Variants in RNF111 observed in about 807,000 individuals in gnomAD.
RNF111 encodes ring finger protein 111, also known as E3 ubiquitin-protein ligase Arkadia.
In RNF111, 17 loss-of-function variants were observed where a neutral mutation model predicts 95.1. The observed-to-expected ratio is 0.18, with a 90% CI of 0.12 to 0.27. The LOEUF (loss-of-function observed/expected upper bound fraction) is 0.27, where lower values mean the gene tolerates loss of function less well. RNF111 is among the 10% of genes least tolerant of loss of function. The pLI is 1.00. For missense variants in RNF111, 1,189 were observed against 1,210.4 expected, an observed-to-expected ratio of 0.98 and a Z score of 0.26; for synonymous variants, 440 against 414.8, an observed-to-expected ratio of 1.06 and a Z score of -0.74.
intron 1 of RNF111, among the ~76,000 whole-genome samples, chr15:59,009,881 A>G (rs1189782631): frequency 6.6e-6 from 1 of 152,170 alleles, no homozygotes; most frequent in African/African-American, 2.4e-5. Context: ...ACTTGAGCCC[A>G]GGAAGTCAAG....
intron 1 of RNF111, among the ~76,000 whole-genome samples, chr15:59,017,903 G>A (rs1157859127): frequency 5.3e-5 from 8 of 151,806 alleles, no homozygotes; most frequent in South Asian, 4.2e-4. Flanking sequence ...GATTACAGGC[G>A]CCTGCCATCA....
At chr15:59,015,345 T>C (rs1210027796) in intron 1 of RNF111, among the ~76,000 whole-genome samples, 2 of 152,224 alleles carry the variant, frequency 1.3e-5, no homozygotes, top group African/African-American at 2.4e-5. Context: ...TTATCATTCT[T>C]ATGAATTCAC....
chr15:59,053,977 C>G (rs187450768), intron 3 of RNF111, among the ~76,000 whole-genome samples: 2 of 152,202 alleles, frequency 1.3e-5, no homozygotes, highest in Admixed American at 6.5e-5. Context: ...CCTCTGTCAC[C>G]CAGGCTGGAG....
chr15:59,028,046 C>T (rs148083008), intron 1 of RNF111, among the ~76,000 whole-genome samples: 2,265 of 152,192 alleles, frequency 0.015, 59 homozygotes, highest in African/African-American at 0.049. Flanking sequence ...AGGCTGGCCT[C>T]GAACTCCTGA....
At chr15:59,007,104 A>T (rs996625792) in intron 1 of RNF111, among the ~76,000 whole-genome samples, 81 of 152,302 alleles carry the variant, frequency 5.3e-4, no homozygotes, top group African/African-American at 1.8e-3. Context: ...ATACGGTGAA[A>T]TGCACAAATC....
Position 59,047,418 on chromosome 15 carries a change from C to T in RNF111, c.881-4887C>T, listed in dbSNP as rs529033928. On this transcript the variant is annotated intron_variant, in intron 2 of 13. Coordinates refer to ENST00000348370, the MANE Select transcript of RNF111 (RefSeq NM_017610.8). ...GCTAAGGTGGCAGGATTGCTTGAGCCCGGGAGGTCAAGGCTGCAGTGAGCT... is the reference window on the plus strand; with the variant it reads ...GCTAAGGTGGCAGGATTGCTTGAGCTCGGGAGGTCAAGGCTGCAGTGAGCT... 7.2e-4 allele frequency among the ~76,000 whole-genome samples: 109 copies of T among 152,150 alleles called. 4 individuals are homozygous for T. The South Asian group carries it at 0.022, about 31-fold the overall frequency.
At chr15:59,063,904 A>G (rs8040456) in intron 5 of RNF111, among the ~76,000 whole-genome samples, 50,275 of 152,048 alleles carry the variant, frequency 0.33, 8,846 homozygotes, top group East Asian at 0.46. Context: ...TGAGCTTAGT[A>G]TCCCAAAGGT....
At chr15:59,032,392 T>A (rs2040955284) in intron 2 of RNF111, among the ~76,000 whole-genome samples, 1 of 152,200 alleles carries the variant, frequency 6.6e-6, no homozygotes, top group African/African-American at 2.4e-5. Context: ...GTAAGAACAG[T>A]TCTAGTCACT....
chr15:59,092,670 T>C, intron 13 of RNF111, 30 bp downstream of exon 13: 1 of 1,574,552 alleles, frequency 6.4e-7, no homozygotes, highest in Non-Finnish European at 8.7e-7. Context: ...CTAAAATCCA[T>C]TGTCAAAACT....
intron 1 of RNF111, among the ~76,000 whole-genome samples, chr15:59,008,821 T>A (rs1261725889): frequency 6.6e-6 from 1 of 152,246 alleles, no homozygotes; most frequent in African/African-American, 2.4e-5. Context: ...CTTTTAGGGT[T>A]TACACTATGC....
intron 1 of RNF111, among the ~76,000 whole-genome samples, chr15:59,001,609 A>T (rs778789989): frequency 1.3e-5 from 2 of 152,188 alleles, no homozygotes; most frequent in Non-Finnish European, 2.9e-5. Context: ...ACATTTGGCG[A>T]ATAGGTTCAC....
At chr15:58,997,814 C>CA (rs144747860) in intron 1 of RNF111, among the ~76,000 whole-genome samples, 89 of 118,156 alleles carry the variant, frequency 7.5e-4, no homozygotes, top group South Asian at 1.1e-3. Flanking sequence ...GACTCCATCT[C>CA]AAAAAAAAAA....
At chr15:59,069,073 CAAAA>C (rs397853868) in intron 6 of RNF111, among the ~76,000 whole-genome samples, 8 of 89,482 alleles carry the variant, frequency 8.9e-5, no homozygotes, top group African/African-American at 2.9e-4. Flanking sequence ...GACTCCGTCT[CAAAA>C]AAAAAAAAAA....
At chr15:59,091,737 C>A (rs1373741993) in intron 12 of RNF111, among the ~76,000 whole-genome samples, 1 of 152,108 alleles carries the variant, frequency 6.6e-6, no homozygotes, top group African/African-American at 2.4e-5. Flanking sequence ...TTTTTGACAC[C>A]AGGGACCAGT....
chr15:59,094,110 G>T (rs2079131500), intron 13 of RNF111, among the ~76,000 whole-genome samples: 2 of 151,976 alleles, frequency 1.3e-5, no homozygotes, highest in Admixed American at 1.3e-4. Flanking sequence ...TTGGTAATTT[G>T]GCATGATGTA....
chr15:58,990,752 G>C (rs536706782), intron 1 of RNF111, among the ~76,000 whole-genome samples: 1 of 152,294 alleles, frequency 6.6e-6, no homozygotes, highest in East Asian at 1.9e-4. Flanking sequence ...ATAGCTTTCA[G>C]ATGGTACTAA....
At chr15:59,081,397 C>T in intron 8 of RNF111, 113 bp downstream of exon 8, 2 of 884,064 alleles carry the variant, frequency 2.3e-6, no homozygotes, top group Non-Finnish European at 3.4e-6. Context: ...GTAGTCACAG[C>T]TCCTTGGGAG....
At chr15:58,999,074 CACCCACACTTACCTGAAAA>C (rs1309225861) in intron 1 of RNF111, among the ~76,000 whole-genome samples, 3 of 152,144 alleles carry the variant, frequency 2.0e-5, no homozygotes. Context: ...AGAGGAATAA[CACCCACACTTACCTGAAAA>C]GGTTATTAAA....
At chr15:59,092,098 CAA>C (rs2079070252) in intron 12 of RNF111, among the ~76,000 whole-genome samples, 1 of 152,118 alleles carries the variant, frequency 6.6e-6, no homozygotes, top group Non-Finnish European at 1.5e-5. Context: ...CATCTATTTT[CAA>C]AGAGTATTGA....
Sources: allele counts gnomAD v4.1 joint callset (sites outside exome capture counted in the v4.1 genomes callset), GRCh38; gene constraint gnomAD v4.1.1; transcripts MANE v1.5; gene names NCBI Gene and HGNC (gene_info 2026-07-23, HGNC 2026-07-21).